The following WWC2 variants were observed in gnomAD, a reference collection of about 807,000 sequenced individuals.
The protein encoded by WWC2 is WW and C2 domain containing 2.
WWC2 carries 101 observed loss-of-function variants against 138.5 expected under a neutral mutation model. The observed-to-expected ratio is 0.73, with a 90% confidence interval of 0.62 to 0.86. WWC2 has a LOEUF of 0.86. Among genes scored for constraint, WWC2 ranks in the 40% least tolerant of loss-of-function variants. The probability of loss-of-function intolerance (pLI) is 0.00; values close to 1 mark genes in which losing one functional copy is unlikely to be tolerated. For missense variants in WWC2, 1,420 were observed against 1,419.4 expected (o/e 1.00, Z -0.01); for synonymous variants, 558 against 538.4 (o/e 1.04, Z -0.50).
intron 21 of WWC2, among the ~76,000 whole-genome samples, chr4:183,292,346 GA>G (rs70956575): frequency 0.22 from 32,223 of 145,504 alleles, 3,510 homozygotes; most frequent in Non-Finnish European, 0.25. Context: ...CATCTCCATG[GA>G]AAAAAAAAAA....
At chr4:183,106,144 C>G (rs1268222059) in intron 1 of WWC2, among the ~76,000 whole-genome samples, 3 of 151,944 alleles carry the variant, frequency 2.0e-5, no homozygotes, top group Admixed American at 1.3e-4. Context: ...CCACCACGCC[C>G]AGCTAGTTTT....
At chr4:183,259,121 G>T (rs1282460859) in intron 9 of WWC2, among the ~76,000 whole-genome samples, 1 of 152,166 alleles carries the variant, frequency 6.6e-6, no homozygotes, top group East Asian at 1.9e-4. Context: ...CAATGGTATT[G>T]TGGACTAAAA....
chr4:183,210,263 C>T (rs1002912528), intron 4 of WWC2, among the ~76,000 whole-genome samples: 3 of 151,754 alleles, frequency 2.0e-5, no homozygotes. Flanking sequence ...CAGTGGTTAC[C>T]GTGGACCTCG....
chr4:183,123,603 GTTC>G (rs1318259386), intron 1 of WWC2, among the ~76,000 whole-genome samples: 1 of 152,078 alleles, frequency 6.6e-6, no homozygotes, highest in Non-Finnish European at 1.5e-5. Flanking sequence ...GATATCTACA[GTTC>G]TTTGTTTTTT....
At chr4:183,242,041 G>A (rs567821768) in intron 5 of WWC2, among the ~76,000 whole-genome samples, 14 of 152,302 alleles carry the variant, frequency 9.2e-5, no homozygotes, top group Admixed American at 2.6e-4. Flanking sequence ...GACATTTGTT[G>A]TAGAAATTCA....
At chr4:183,194,342 A>G (rs1038640615) in intron 2 of WWC2, among the ~76,000 whole-genome samples, 2 of 152,054 alleles carry the variant, frequency 1.3e-5, no homozygotes, top group Non-Finnish European at 2.9e-5. Flanking sequence ...AATATTTTTT[A>G]TATATTTGTG....
intron 1 of WWC2, among the ~76,000 whole-genome samples, chr4:183,181,583 C>A (rs1399918846): frequency 1.3e-5 from 2 of 152,032 alleles, no homozygotes; most frequent in African/African-American, 4.8e-5. Flanking sequence ...ATGACTTTTT[C>A]TTTTCTCCAG....
At chr4:183,251,262 C>A (rs1030482545) in intron 8 of WWC2, among the ~76,000 whole-genome samples, 1 of 152,194 alleles carries the variant, frequency 6.6e-6, no homozygotes, top group South Asian at 2.1e-4. Flanking sequence ...GGCAATGTGC[C>A]AGCTTTCGGT....
chr4:183,208,762 TA>T (rs964160860), intron 3 of WWC2, among the ~76,000 whole-genome samples, 186 bp from the exon 4 acceptor site: 4 of 151,896 alleles, frequency 2.6e-5, no homozygotes, highest in Non-Finnish European at 4.4e-5. Context: ...TTTACAGAGT[TA>T]AAAAAAATGG....
chr4:183,260,550 C>T (rs559784606), intron 10 of WWC2, among the ~76,000 whole-genome samples: 22 of 152,276 alleles, frequency 1.4e-4, no homozygotes, highest in African/African-American at 4.6e-4. Context: ...CAAATACTAC[C>T]ATTGTGTTAT....
intron 16 of WWC2, among the ~76,000 whole-genome samples, chr4:183,273,525 A>T (rs985305190): frequency 6.6e-6 from 1 of 152,048 alleles, no homozygotes; most frequent in African/African-American, 2.4e-5. Flanking sequence ...GCTGGTCTCA[A>T]ACTCCCGACC....
At chr4:183,195,007 A>G (rs978837130) in intron 2 of WWC2, among the ~76,000 whole-genome samples, 3 of 152,156 alleles carry the variant, frequency 2.0e-5, no homozygotes, top group Non-Finnish European at 4.4e-5. Context: ...AGAATCAATG[A>G]TTGTGTTTTT....
At chr4:183,112,336 G>C (rs939985426) in intron 1 of WWC2, among the ~76,000 whole-genome samples, 2 of 152,222 alleles carry the variant, frequency 1.3e-5, no homozygotes, top group Admixed American at 1.3e-4. Context: ...TAAGTTATTT[G>C]AGAATAGAGA....
chr4:183,313,071 G>C (rs35306878), intron 22 of WWC2, among the ~76,000 whole-genome samples: 12,309 of 152,232 alleles, frequency 0.081, 702 homozygotes, highest in Non-Finnish European at 0.12. Flanking sequence ...ATCATGGAAG[G>C]ATGGCTGCAA....
At chr4:183,281,525 A>T (rs1738075533) in intron 17 of WWC2, 1 of 152,200 alleles carries the variant, frequency 6.6e-6, no homozygotes, top group Non-Finnish European at 1.5e-5. Flanking sequence ...ATGTGAAATC[A>T]TTTGAGTTAA....
At chr4:183,239,450 A>G (rs1434102564) in intron 4 of WWC2, among the ~76,000 whole-genome samples, 1 of 152,200 alleles carries the variant, frequency 6.6e-6, no homozygotes, top group Non-Finnish European at 1.5e-5. Context: ...TGATCTGTCC[A>G]ATTTTAGAAT....
rs1412514019 is a variant in WWC2 at position 183,249,987 on chromosome 4, A to G, written c.947A>G (p.Lys316Arg). Residue 316 changes from lysine to arginine, a missense_variant, in exon 8 of 23, where the codon AAA (lysine) becomes AGA (arginine). Physicochemically the swap from Lys to Arg is conservative, Grantham distance 26. Coordinates refer to ENST00000403733, the MANE Select transcript of WWC2 (RefSeq NM_024949.6). ...VRLSLQYEEAKRSMANLKIEL... is the reference protein window; with the variant it reads ...VRLSLQYEEARRSMANLKIEL... ...CTAAGCCTACAGTATGAAGAAGCCA[A>G]AAGAAGGTAATGACAGAGAAGCTGT... is the stretch of plus-strand genomic sequence containing the variant. 1 of 1,613,650 alleles carries G rather than the reference A, an allele frequency of 6.2e-7. No homozygotes were observed. The highest frequency in any genetic ancestry group is 2.2e-5 in the East Asian group (1 of 44,882).
rs778274585 is a variant in WWC2 at position 183,319,743 on chromosome 4, C to T, written c.*4014C>T. 2.5e-6 allele frequency: 4 copies of T among 1,613,972 alleles called. No individual in the cohort carries two copies. The South Asian group carries it at 4.4e-5, about 18-fold the overall frequency. ...AAACAGGGCCTCCCCAAACTCCCAC[C>T]TGGGGACAAAGTCTGGGACGTTCTC... is the stretch of plus-strand genomic sequence containing the variant. On this transcript the variant is annotated 3_prime_UTR_variant, in exon 23 of 23. Coordinates refer to ENST00000403733, the MANE Select transcript of WWC2 (RefSeq NM_024949.6).
At chr4:183,215,705 G>T (rs975285857) in intron 4 of WWC2, among the ~76,000 whole-genome samples, 1 of 152,026 alleles carries the variant, frequency 6.6e-6, no homozygotes, top group African/African-American at 2.4e-5. Flanking sequence ...GAAACTGCAG[G>T]CTAAATATGT....
Sources: gnomAD v4.1 joint callset for allele counts (sites outside exome capture counted in the v4.1 genomes callset) on GRCh38, gnomAD v4.1.1 for gene constraint, MANE v1.5 for transcripts, NCBI Gene and HGNC (gene_info 2026-07-23, HGNC 2026-07-21) for gene names.